The following COL4A1 variants were observed in gnomAD, a reference collection of about 807,000 sequenced individuals.
COL4A1 encodes the protein collagen alpha-1(IV) chain.
In COL4A1, 40 loss-of-function variants were observed where a neutral mutation model predicts 216.6. That is an observed-to-expected ratio of 0.18 (90% CI 0.14 to 0.24). The LOEUF (loss-of-function observed/expected upper bound fraction) is 0.24. Among genes scored for constraint, COL4A1 ranks in the 10% least tolerant of loss-of-function variants. The pLI is 1.00. For missense variants in COL4A1, 1,628 were observed against 2,196.8 expected (o/e 0.74, Z 5.18); for synonymous variants, 839 against 810.7 (o/e 1.03, Z -0.59).
At position 110,201,951 on chromosome 13, in the gene COL4A1, C is replaced by T. The variant is rs1189744468; in HGVS notation, c.1000-429G>A. 5.9e-5 allele frequency among the ~76,000 whole-genome samples: 9 copies of T among 152,300 alleles called. 1 individual carries two copies. Among genetic ancestry groups the T allele is most frequent in the East Asian group, 1.9e-4 (1 of 5,182 alleles). On this transcript the variant is annotated intron_variant, in intron 18 of 51. Transcript: ENST00000375820. The stretch of plus-strand genomic sequence containing the variant: ...GAGCTGAGATGGCACCACTGCACTC[C>T]GGCCTGGGTGACGGAGTGAGACTCT...
chr13:110,248,993 G>A (rs1449463707), intron 1 of COL4A1, among the ~76,000 whole-genome samples: 2 of 152,034 alleles, frequency 1.3e-5, no homozygotes, highest in Admixed American at 6.6e-5. Context: ...TGTTTTAACC[G>A]CGGTGGCTGT....
At chr13:110,184,548 C>T (rs985249963) in intron 26 of COL4A1, among the ~76,000 whole-genome samples, 13 of 152,204 alleles carry the variant, frequency 8.5e-5, no homozygotes, top group Non-Finnish European at 1.5e-4. Context: ...AGAGTCAGAA[C>T]TTGATGCTAA....
rs193017089 is a variant in COL4A1, at chr13:110,221,848, A to G, written c.145-7833T>C. Among the ~76,000 whole-genome samples, 337 of 152,374 alleles carry G rather than the reference A, an allele frequency of 2.2e-3. 1 individual carries two copies. Among genetic ancestry groups the G allele is most frequent in the African/African-American group, 7.8e-3 (323 of 41,586 alleles). ...TTCCACGTTGGAAAGGAAGAAAAATATGATGATGATCTTTTTCCAAAGGCT... is the reference window on the plus strand; with the variant it reads ...TTCCACGTTGGAAAGGAAGAAAAATGTGATGATGATCTTTTTCCAAAGGCT... On this transcript the variant is annotated intron_variant, in intron 2 of 51. Coordinates refer to ENST00000375820, the MANE Select transcript of COL4A1 (RefSeq NM_001845.6).
chr13:110,282,127 CCT>C (rs1166973815), intron 1 of COL4A1, among the ~76,000 whole-genome samples: 2 of 152,176 alleles, frequency 1.3e-5, no homozygotes, highest in Non-Finnish European at 2.9e-5. Flanking sequence ...TACAATTTGA[CCT>C]CTCTCCCCTT....
intron 1 of COL4A1, among the ~76,000 whole-genome samples, chr13:110,253,623 T>C (rs1333055100): frequency 7.0e-6 from 1 of 143,654 alleles, no homozygotes; most frequent in Non-Finnish European, 1.5e-5. Flanking sequence ...CATATACTTA[T>C]AATTATATAT....
chr13:110,178,640 T>C (rs1877999644), intron 31 of COL4A1, among the ~76,000 whole-genome samples: 1 of 152,194 alleles, frequency 6.6e-6, no homozygotes, highest in South Asian at 2.1e-4. Context: ...TATGGAAAGA[T>C]AATATAGAGA....
chr13:110,279,219 CT>C (rs1256439107), intron 1 of COL4A1, among the ~76,000 whole-genome samples: 1 of 152,160 alleles, frequency 6.6e-6, no homozygotes, highest in Admixed American at 6.5e-5. Flanking sequence ...CTATGTCTCC[CT>C]GCACATCTGA....
rs138166726 is a variant in COL4A1 at position 110,261,806 on chromosome 13, C to T, written c.85-19072G>A. Among the ~76,000 whole-genome samples, 1,230 of 152,322 alleles carry T rather than the reference C, an allele frequency of 8.1e-3. 14 individuals are homozygous for T. Among genetic ancestry groups the T allele is most frequent in the Middle Eastern group, 0.014 (4 of 294 alleles). ...GGACACTCTGCGTCCTCTGCCACCC[C>T]GGGCCTGGTGCAGTGCCTGCCACTT... On this transcript the variant is annotated intron_variant, in intron 1 of 51. Transcript: ENST00000375820.
intron 49 of COL4A1, among the ~76,000 whole-genome samples, chr13:110,159,757 A>G (rs1003982420): frequency 2.6e-5 from 4 of 152,250 alleles, no homozygotes; most frequent in East Asian, 1.9e-4. Flanking sequence ...GCACAATGAA[A>G]TATTATTTGG....
chr13:110,172,866 G>T, intron 40 of COL4A1, 96 bp from the exon 41 acceptor site: 1 of 966,532 alleles, frequency 1.0e-6, no homozygotes, highest in Non-Finnish European at 1.7e-6. Flanking sequence ...ATAATACTAC[G>T]TATATTGTGG....
rs1876423691 is a variant in COL4A1, at chr13:110,149,961, T to C, written c.*402A>G. 2 of 327,730 alleles carry C rather than the reference T, an allele frequency of 6.1e-6. No individual in the cohort carries two copies. The highest frequency in any genetic ancestry group is 1.2e-5 in the Non-Finnish European group (2 of 167,708). The allele number at this position is 327,730 out of a possible 1,614,324, so 20.3% of individuals were successfully genotyped here. ...ATTTTGAAACAGCTAGACAGTGATATAAACAAACATTTATCTCTGGGGGTA... is the reference window on the plus strand; with the variant it reads ...ATTTTGAAACAGCTAGACAGTGATACAAACAAACATTTATCTCTGGGGGTA... On this transcript the variant is annotated 3_prime_UTR_variant, in exon 52 of 52. Transcript: ENST00000375820.
chr13:110,170,533 C>T lies in COL4A1; in HGVS notation c.3742+14G>A, dbSNP rs377503687. The stretch of plus-strand genomic sequence containing the variant: ...CCCAGTCCTCAGCCCTGGCCCCTGG[C>T]GAGATGCCCTTACCTGGCAGGCCAG... On this transcript the variant is annotated intron_variant, in intron 42 of 51. Transcript: ENST00000375820. 1.7e-4 allele frequency: 268 copies of T among 1,588,730 alleles called. No individual in the cohort carries two copies. The highest frequency in any genetic ancestry group is 2.0e-4 in the Non-Finnish European group (235 of 1,167,010).
intron 1 of COL4A1, among the ~76,000 whole-genome samples, chr13:110,289,142 A>C (rs982142819): frequency 6.6e-6 from 1 of 152,176 alleles, no homozygotes; most frequent in Non-Finnish European, 1.5e-5. Context: ...CTTCCATTCC[A>C]GATCTCCTCA....
chr13:110,162,261 T>C lies in COL4A1; in HGVS notation c.4431A>G (p.Gln1477=). 6.2e-7 allele frequency: 1 copy of C among 1,614,240 alleles called. No individual in the cohort carries two copies. The highest frequency in any genetic ancestry group is 1.1e-5 in the South Asian group (1 of 91,088). ...LYHGYSLLYV[Q]GNERAHGQDL... is the part of the protein sequence containing the mutation. ...CCTGGCCATGGGCCCGTTCATTGCC[T>C]TGCACGTAGAGCAAAGAGTACCCGT... Residue 1477 remains glutamine (Q), a synonymous_variant, in exon 48 of 52, where the codon CAA becomes CAG. Coordinates refer to ENST00000375820, the MANE Select transcript of COL4A1 (RefSeq NM_001845.6).
chr13:110,261,184 G>C (rs1240268982), intron 1 of COL4A1, among the ~76,000 whole-genome samples: 2 of 152,172 alleles, frequency 1.3e-5, no homozygotes, highest in Non-Finnish European at 2.9e-5. Flanking sequence ...CACCACAGGA[G>C]AGGACAAGAG....
intron 1 of COL4A1, among the ~76,000 whole-genome samples, chr13:110,301,432 A>G (rs940312781): frequency 6.6e-6 from 1 of 152,232 alleles, no homozygotes; most frequent in Non-Finnish European, 1.5e-5. Context: ...GGCAGCAACC[A>G]CAACCAGCAC....
chr13:110,161,816 G>A, intron 48 of COL4A1: 1 of 324,874 alleles, frequency 3.1e-6, no homozygotes, highest in African/African-American at 2.1e-5. Flanking sequence ...AACTAGAGGA[G>A]CAGAGCTCAG....
chr13:110,211,446 T>TGCCA lies in COL4A1; in HGVS notation c.468+197_468+200dup, dbSNP rs1461937282. On this transcript the variant is annotated intron_variant, in intron 8 of 51. Transcript: ENST00000375820. This position sits in a 1 kb window ranked among gnomAD's most constrained non-coding sequence, Gnocchi z 4.3. ...CTGCTTATTCCCCATTAAGAAGCTG[T>TGCCA]GCCAAGTGTCTGAACGTTAGAGTCT... 6.6e-6 allele frequency among the ~76,000 whole-genome samples: 1 copy of TGCCA among 152,196 alleles called. No homozygotes were observed. Among genetic ancestry groups the TGCCA allele is most frequent in the Non-Finnish European group, 1.5e-5 (1 of 68,026 alleles).
At chr13:110,292,652 G>A (rs537453633) in intron 1 of COL4A1, among the ~76,000 whole-genome samples, 1 of 152,292 alleles carries the variant, frequency 6.6e-6, no homozygotes, top group African/African-American at 2.4e-5. Flanking sequence ...GAAGGAGAAA[G>A]CACAATTTTT....
Sources: gnomAD v4.1 joint callset for allele counts (sites outside exome capture counted in the v4.1 genomes callset) on GRCh38, gnomAD v4.1.1 for gene constraint, Gnocchi (gnomAD v3.1) non-coding constraint, MANE v1.5 for transcripts, NCBI Gene and HGNC (gene_info 2026-07-23, HGNC 2026-07-21) for gene names.